The following CFAP58 variants were observed in gnomAD, a reference collection of about 807,000 sequenced individuals.
The protein encoded by CFAP58 is cilia and flagella associated protein 58, also known as cilia- and flagella-associated protein 58.
In CFAP58, 88 loss-of-function variants were observed where a neutral mutation model predicts 119.5. The ratio of observed to expected loss-of-function variants is 0.74; its 90% CI spans 0.62 to 0.88. The LOEUF (loss-of-function observed/expected upper bound fraction) is 0.88, where lower values mean the gene tolerates loss of function less well. Among genes scored for constraint, CFAP58 ranks in the 40% least tolerant of loss-of-function variants. CFAP58 has a pLI of 0.00. For missense variants in CFAP58, 990 were observed against 1,021.2 expected (o/e 0.97, Z 0.42); for synonymous variants, 365 against 366.3 (o/e 1.00, Z 0.04).
the CFAP58 span, among the ~76,000 whole-genome samples, chr10:104,343,773 T>A: frequency 1.9e-4 from 29 of 152,336 alleles, 1 homozygote; most frequent in African/African-American, 6.7e-4. Context: ...TAATTTGAGC[T>A]AGAGTCTCAC....
chr10:104,357,932 C>T (rs542204685), intron 1 of CFAP58, among the ~76,000 whole-genome samples: 28,414 of 106,938 alleles, frequency 0.27, 4,223 homozygotes, highest in African/African-American at 0.44. Context: ...TACACATATA[C>T]ACACATATAT....
At position 104,368,469 on chromosome 10, in the gene CFAP58, G is replaced by A; in HGVS notation, c.839G>A (p.Arg280Lys). 6.2e-7 allele frequency: 1 copy of A among 1,613,924 alleles called. No homozygotes were observed. Among genetic ancestry groups the A allele is most frequent in the Non-Finnish European group, 8.5e-7 (1 of 1,179,878 alleles). The change falls in exon 6 of 18, where the codon AGA (arginine) becomes AAA (lysine). Residue 280 changes from arginine (R) to lysine (K), a missense_variant. Arg to Lys is a conservative substitution (Grantham distance 26). Coordinates refer to ENST00000369704, the MANE Select transcript of CFAP58 (RefSeq NM_001008723.2). ...AAGGAACTCGAGCAATTTCAGATGA[G>A]AAATGCTAAACTTCAGCAAGAGAAT... ...AAKELEQFQM[R>K]NAKLQQENEQ...
chr10:104,406,935 A>G (rs2012372556), intron 15 of CFAP58, 142 bp downstream of exon 15: 1 of 632,156 alleles, frequency 1.6e-6, no homozygotes, highest in Non-Finnish European at 2.8e-6. Flanking sequence ...CACATAAAGA[A>G]CAAGCACAGC....
Position 104,454,632 on chromosome 10 carries a change from G to T in CFAP58, c.*102G>T, listed in dbSNP as rs1274115651. On this transcript the variant is annotated 3_prime_UTR_variant, in exon 18 of 18. Coordinates refer to ENST00000369704, the MANE Select transcript of CFAP58 (RefSeq NM_001008723.2). ...CTTGGATCATAGAACTGAGTGCTGAGAATCCAGGATGGAAAGAAATGCAGA... is the reference window on the plus strand; with the variant it reads ...CTTGGATCATAGAACTGAGTGCTGATAATCCAGGATGGAAAGAAATGCAGA... The T allele has an allele frequency of 3.7e-6, 3 of 813,360 alleles. No individual in the cohort carries two copies. The highest frequency in any genetic ancestry group is 1.7e-5 in the African/African-American group (1 of 58,124). 50.4% of individuals were successfully genotyped at this position (813,360 alleles called of 1,614,324 possible).
At chr10:104,434,696 T>A (rs2133083136) in intron 15 of CFAP58, among the ~76,000 whole-genome samples, 1 of 152,376 alleles carries the variant, frequency 6.6e-6, no homozygotes, top group South Asian at 2.1e-4. Flanking sequence ...GATAGACCAT[T>A]ACTGGTGATG....
At chr10:104,438,947 A>G (rs1182451606) in intron 15 of CFAP58, among the ~76,000 whole-genome samples, 1 of 152,232 alleles carries the variant, frequency 6.6e-6, no homozygotes, top group Non-Finnish European at 1.5e-5. Flanking sequence ...AACACACAAT[A>G]ACCATAAGAT....
chr10:104,428,004 C>T (rs2012777377), intron 15 of CFAP58, among the ~76,000 whole-genome samples: 1 of 152,160 alleles, frequency 6.6e-6, no homozygotes. Context: ...TATGCAAACA[C>T]ACGTAAGCAC....
intron 17 of CFAP58, among the ~76,000 whole-genome samples, chr10:104,451,919 A>G (rs1463926343): frequency 7.3e-6 from 1 of 137,600 alleles, no homozygotes; most frequent in African/African-American, 2.7e-5. Context: ...TTGTATTTTT[A>G]GTAGAGACAG....
At chr10:104,410,026 C>CT (rs2012436462) in intron 15 of CFAP58, among the ~76,000 whole-genome samples, 1 of 152,082 alleles carries the variant, frequency 6.6e-6, no homozygotes, top group Non-Finnish European at 1.5e-5. Flanking sequence ...TACCTATTCC[C>CT]TTTTTACAGT....
chr10:104,381,116 C>G lies in CFAP58; in HGVS notation c.1365+896C>G, dbSNP rs143329526. On this transcript the variant is annotated intron_variant, in intron 9 of 17. Coordinates refer to ENST00000369704, the MANE Select transcript of CFAP58 (RefSeq NM_001008723.2). ...AGTGAGCTGTGGTTGCAGCACTGCA[C>G]TCCAGCCTGGGCAACAGAGTGAGAT... Among the ~76,000 whole-genome samples the G allele has an allele frequency of 5.2e-3, 787 of 152,300 alleles. 9 individuals carry two copies. The South Asian group carries it at 0.052, about 10-fold the overall frequency.
In CFAP58 at chr10:104,450,101, G is replaced by C; in HGVS notation, c.2407G>C (p.Val803Leu). ...VLSSELNMYE[V>L]QSKEYKYEVE... ...GTCTTCAGAATTGAATATGTATGAA[G>C]TACAGAGCAAAGAATATAAATATGA... Residue 803 changes from valine (V) to leucine (L), a missense_variant, in exon 17 of 18, where the codon GTA (valine) becomes CTA (leucine). By Grantham distance (32) the Val-to-Leu change is conservative (BLOSUM62 1). Coordinates refer to ENST00000369704, the MANE Select transcript of CFAP58 (RefSeq NM_001008723.2). 6.2e-7 allele frequency: 1 copy of C among 1,611,774 alleles called. No individual in the cohort carries two copies. The highest frequency in any genetic ancestry group is 8.5e-7 in the Non-Finnish European group (1 of 1,179,110).
At chr10:104,403,394 G>A (rs1029540173) in intron 13 of CFAP58, among the ~76,000 whole-genome samples, 4 of 152,180 alleles carry the variant, frequency 2.6e-5, no homozygotes, top group African/African-American at 9.6e-5. Flanking sequence ...TCTTGGGTAT[G>A]TCTTTATTAG....
At chr10:104,349,858 GAGAA>G (rs773153350), upstream of CFAP58, among the ~76,000 whole-genome samples, 4 of 152,218 alleles carry the variant, frequency 2.6e-5, no homozygotes, top group Non-Finnish European at 5.9e-5. Flanking sequence ...CAGCTGAAGA[GAGAA>G]AGAGAGAGAG....
chr10:104,446,049 T>C (rs1401797696), intron 15 of CFAP58, among the ~76,000 whole-genome samples: 1 of 152,238 alleles, frequency 6.6e-6, no homozygotes, highest in Non-Finnish European at 1.5e-5. Flanking sequence ...CAAAACTGTT[T>C]CATGGACTTC....
intron 9 of CFAP58, among the ~76,000 whole-genome samples, chr10:104,387,402 A>G (rs1451759658): frequency 6.6e-6 from 1 of 152,204 alleles, no homozygotes; most frequent in African/African-American, 2.4e-5. Flanking sequence ...ATACAGGCAC[A>G]TGTCATGTCT....
At chr10:104,450,778 C>T (rs1197991709) in intron 17 of CFAP58, among the ~76,000 whole-genome samples, 1 of 151,590 alleles carries the variant, frequency 6.6e-6, no homozygotes, top group African/African-American at 2.4e-5. Flanking sequence ...CTCCTGGCCT[C>T]AAACAGTCCT....
intron 15 of CFAP58, among the ~76,000 whole-genome samples, chr10:104,409,939 G>A (rs1165536351): frequency 1.3e-5 from 2 of 151,648 alleles, no homozygotes; most frequent in Non-Finnish European, 2.9e-5. Context: ...TTTTTGTAAT[G>A]CTCAAAAAAA....
intron 1 of CFAP58, among the ~76,000 whole-genome samples, chr10:104,358,071 A>G (rs1179821149): frequency 1.3e-5 from 2 of 150,014 alleles, no homozygotes; most frequent in Non-Finnish European, 3.0e-5. Context: ...ATATACACAT[A>G]TGTACATATA....
intron 9 of CFAP58, among the ~76,000 whole-genome samples, chr10:104,390,520 G>T (rs1032239710): frequency 6.6e-5 from 10 of 152,204 alleles, no homozygotes; most frequent in African/African-American, 2.4e-4. Flanking sequence ...AAAATTGGGG[G>T]CAATAATAGT....
Sources: gnomAD v4.1 joint callset for allele counts (sites outside exome capture counted in the v4.1 genomes callset) on GRCh38, gnomAD v4.1.1 for gene constraint, MANE v1.5 for transcripts, NCBI Gene and HGNC (gene_info 2026-07-23, HGNC 2026-07-21) for gene names.